PCDHA1: variants seen among roughly 807,000 people sequenced by gnomAD.
PCDHA1 encodes protocadherin alpha-1.
A neutral mutation model predicts 61.3 loss-of-function variants in PCDHA1; 42 were observed. That is an observed-to-expected ratio of 0.69 (90% CI 0.54 to 0.89). The LOEUF is 0.89. Among genes scored for constraint, PCDHA1 ranks in the 40% least tolerant of loss-of-function variants. The probability of loss-of-function intolerance (pLI) is 0.00; values close to 1 mark genes in which losing one functional copy is unlikely to be tolerated. For synonymous variants in PCDHA1, 610 were observed against 553.8 expected (o/e 1.10, Z -1.43); for missense variants, 1,256 against 1,235.3 (o/e 1.02, Z -0.25).
rs528840085 is a variant in PCDHA1 at position 140,876,225 on chromosome 5, GT to G, written c.2394+87542del. 8.8e-5 allele frequency: 142 copies of G among 1,613,982 alleles called. No homozygotes were observed. The African/African-American group carries it at 1.7e-3, about 20-fold the overall frequency. The stretch of plus-strand genomic sequence containing the variant: ...ATAAGCCCAGCTATAAAGTAGTGTT[GT>G]CTGAAAATGTCCAAAACGACACAAG... On this transcript the variant is annotated intron_variant, in intron 1 of 3. Coordinates refer to ENST00000504120, the MANE Select transcript of PCDHA1 (RefSeq NM_018900.4).
intron 1 of PCDHA1, chr5:140,796,929 C>G: frequency 1.2e-6 from 2 of 1,613,834 alleles, no homozygotes; most frequent in Non-Finnish European, 1.7e-6. Context: ...AGGACCACGG[C>G]GAACCAGCGT....
chr5:140,795,686 CT>C, intron 1 of PCDHA1: 1 of 1,614,086 alleles, frequency 6.2e-7, no homozygotes. Flanking sequence ...AATGAACCAA[CT>C]TTTGCCCAAT....
intron 1 of PCDHA1, among the ~76,000 whole-genome samples, chr5:140,806,354 C>T (rs534897912): frequency 1.3e-5 from 2 of 152,294 alleles, no homozygotes; most frequent in South Asian, 4.1e-4. Context: ...TACTTATAAA[C>T]TGTAAGAGTC....
chr5:140,945,800 C>T (rs1411676680), intron 1 of PCDHA1, among the ~76,000 whole-genome samples: 1 of 152,026 alleles, frequency 6.6e-6, no homozygotes, highest in African/African-American at 2.4e-5. Flanking sequence ...TGAAACTAGA[C>T]CCTTATCTCA....
In PCDHA1 at chr5:141,010,099, G is replaced by T; in HGVS notation, c.*162G>T. 5 of 1,612,768 alleles carry T rather than the reference G, an allele frequency of 3.1e-6. No individual in the cohort carries two copies. The highest frequency in any genetic ancestry group is 4.2e-6 in the Non-Finnish European group (5 of 1,179,316). On this transcript the variant is annotated 3_prime_UTR_variant, in exon 4 of 4. Coordinates refer to ENST00000504120, the MANE Select transcript of PCDHA1 (RefSeq NM_018900.4). ...GTGTCTGTCTAGAACGCATTTAACA[G>T]GTTTTGTCGTAAAAGCTTTACTAAG...
intron 1 of PCDHA1, among the ~76,000 whole-genome samples, chr5:140,935,451 T>C (rs2090381894): frequency 6.6e-6 from 1 of 152,232 alleles, no homozygotes; most frequent in African/African-American, 2.4e-5. Context: ...AATATGATAC[T>C]GTAGCAGTTT....
intron 1 of PCDHA1, among the ~76,000 whole-genome samples, chr5:140,913,140 G>T (rs1562991745): frequency 6.6e-6 from 1 of 152,068 alleles, no homozygotes; most frequent in African/African-American, 2.4e-5. Context: ...CTACTTTTTG[G>T]AATAGTTTGA....
chr5:140,905,437 C>T (rs190555934), intron 1 of PCDHA1, among the ~76,000 whole-genome samples: 1 of 152,130 alleles, frequency 6.6e-6, no homozygotes, highest in Non-Finnish European at 1.5e-5. Flanking sequence ...ATAACTACAG[C>T]CTTTTAGTAT....
intron 1 of PCDHA1, among the ~76,000 whole-genome samples, chr5:140,922,635 C>G (rs1403011776): frequency 6.6e-6 from 1 of 152,118 alleles, no homozygotes; most frequent in Non-Finnish European, 1.5e-5. Context: ...ATAAGCCACT[C>G]CATCAAACAG....
chr5:140,883,336 A>G, intron 1 of PCDHA1: 1 of 1,613,866 alleles, frequency 6.2e-7, no homozygotes, highest in Non-Finnish European at 8.5e-7. Flanking sequence ...CTTCTTTGTC[A>G]CTCCCCATCA....
chr5:140,899,162 C>T (rs1237064232), intron 1 of PCDHA1, among the ~76,000 whole-genome samples: 31 of 152,224 alleles, frequency 2.0e-4, no homozygotes, highest in African/African-American at 7.2e-4. Flanking sequence ...TTCCTCTTTT[C>T]CTAATTGAAT....
chr5:140,927,077 G>A (rs568623488), intron 1 of PCDHA1: 1 of 1,610,844 alleles, frequency 6.2e-7, no homozygotes, highest in Non-Finnish European at 8.5e-7. Context: ...TCCAGCCACC[G>A]CGAGCTCTAC....
chr5:141,010,438 CAAAT>C lies in PCDHA1; in HGVS notation c.*505_*508del, dbSNP rs2098417279. On this transcript the variant is annotated 3_prime_UTR_variant, in exon 4 of 4. Transcript: ENST00000504120. ...TACAAGGAAGGCAAGAAAACAAAGA[CAAAT>C]AAACAGCGGAAGTTATCAGTATGGA... 2.0e-6 allele frequency: 2 copies of C among 998,926 alleles called. No homozygotes were observed. The highest frequency in any genetic ancestry group is 2.8e-6 in the Non-Finnish European group (2 of 704,790). The allele number at this position is 998,926 out of a possible 1,614,324, so 61.9% of individuals were successfully genotyped here.
chr5:140,944,277 C>T (rs922160593), intron 1 of PCDHA1, among the ~76,000 whole-genome samples: 1 of 152,044 alleles, frequency 6.6e-6, no homozygotes, highest in Non-Finnish European at 1.5e-5. Flanking sequence ...AGCCTTGACA[C>T]CCCGGGCTCA....
At chr5:140,927,104 C>CA in intron 1 of PCDHA1, 1 of 1,613,722 alleles carries the variant, frequency 6.2e-7, no homozygotes, top group Non-Finnish European at 8.5e-7. Flanking sequence ...GTGGATCTAC[C>CA]CAGCGGCAAT....
chr5:140,928,149 T>C, intron 1 of PCDHA1: 2 of 1,614,194 alleles, frequency 1.2e-6, no homozygotes, highest in Non-Finnish European at 8.5e-7. Flanking sequence ...CGGCCTCAGA[T>C]AGTGGCTCAC....
chr5:141,006,946 G>A (rs1333269040), intron 3 of PCDHA1, among the ~76,000 whole-genome samples: 1 of 152,120 alleles, frequency 6.6e-6, no homozygotes, highest in African/African-American at 2.4e-5. Flanking sequence ...TACCAGATAG[G>A]CAGTTATACA....
chr5:140,843,369 C>T lies in PCDHA1; in HGVS notation c.2394+54685C>T, dbSNP rs2150358449. 7 of 1,595,922 alleles carry T rather than the reference C, an allele frequency of 4.4e-6. No individual in the cohort carries two copies. Among genetic ancestry groups the T allele is most frequent in the African/African-American group, 1.3e-5 (1 of 74,440 alleles). ...GCTCCAAAAGCGTCATCGAGGCAGT[C>T]GGCTGGCGTTTTGGGTCCGGAAGCG... On this transcript the variant is annotated intron_variant, in intron 1 of 3. Transcript: ENST00000504120.
intron 1 of PCDHA1, chr5:140,847,643 G>C (rs1219551940): frequency 6.7e-6 from 1 of 149,570 alleles, no homozygotes; most frequent in East Asian, 1.9e-4. Context: ...CTACAAAGAA[G>C]AGATTATTCA....
Sources: allele counts gnomAD v4.1 joint callset (sites outside exome capture counted in the v4.1 genomes callset), GRCh38; gene constraint gnomAD v4.1.1; transcripts MANE v1.5; gene names NCBI Gene and HGNC (gene_info 2026-07-23, HGNC 2026-07-21).